Variants in LRRC7 observed in about 807,000 individuals in gnomAD.
The protein encoded by LRRC7 is leucine-rich repeat-containing protein 7.
A neutral mutation model predicts 175.7 loss-of-function variants in LRRC7; 23 were observed. That is an observed-to-expected ratio of 0.13 (90% CI 0.09 to 0.19). LRRC7 has a LOEUF of 0.19. LRRC7 is among the 10% of genes least tolerant of loss of function. The pLI, the probability that LRRC7 is intolerant of heterozygous loss-of-function variation, is 1.00. For missense variants in LRRC7, 1,354 were observed against 1,904.7 expected (o/e 0.71, Z 5.38); for synonymous variants, 685 against 680.9 (o/e 1.01, Z -0.09).
chr1:70,064,049 A>G (rs1661783101), intron 23 of LRRC7, among the ~76,000 whole-genome samples: 2 of 152,024 alleles, frequency 1.3e-5, no homozygotes, highest in Non-Finnish European at 2.9e-5. Context: ...TCTGACTCCA[A>G]AAAATTCAAG....
intron 7 of LRRC7, among the ~76,000 whole-genome samples, chr1:69,899,781 G>A (rs907981073): frequency 2.6e-4 from 40 of 152,150 alleles, no homozygotes; most frequent in African/African-American, 9.7e-4. Flanking sequence ...TGTTTTAAAA[G>A]CGGCTTCGTG....
Position 69,718,129 on chromosome 1 carries a change from A to G in LRRC7, c.100+39651A>G, listed in dbSNP as rs1194335041. Among the ~76,000 whole-genome samples the G allele has an allele frequency of 3.8e-3, 166 of 43,178 alleles. 3 individuals carry two copies. The highest frequency in any genetic ancestry group is 8.4e-3 in the African/African-American group (52 of 6,186). The allele number at this position is 43,178 out of a possible 152,430, so 28.3% of individuals were successfully genotyped here. A position where few individuals can be genotyped will look rare whatever the true frequency, so the allele number is the denominator to read the frequency against. On this transcript the variant is annotated intron_variant, in intron 2 of 26. Coordinates refer to ENST00000651989, the MANE Select transcript of LRRC7 (RefSeq NM_001370785.2). ...AGAGAAAAAGAAAGAAAGAAAGAAA[A>G]GAAAGAAAGAGAGAGAAAGAAAGAA...
chr1:70,091,480 C>A (rs1664027753), intron 25 of LRRC7, among the ~76,000 whole-genome samples: 1 of 151,974 alleles, frequency 6.6e-6, no homozygotes, highest in Admixed American at 6.6e-5. Flanking sequence ...TCTTTCTCAC[C>A]AGCATATAAA....
At chr1:69,689,514 A>G (rs1448777124) in intron 2 of LRRC7, among the ~76,000 whole-genome samples, 2 of 152,200 alleles carry the variant, frequency 1.3e-5, no homozygotes, top group Non-Finnish European at 2.9e-5. Context: ...TTCACAAATT[A>G]TAAGTTAATA....
intron 1 of LRRC7, among the ~76,000 whole-genome samples, chr1:69,616,691 C>A (rs1254343449): frequency 6.6e-6 from 1 of 151,970 alleles, no homozygotes; most frequent in Non-Finnish European, 1.5e-5. Flanking sequence ...GAGTGACCAG[C>A]TTAGTTTAGG....
chr1:70,066,059 T>C (rs17131173), intron 23 of LRRC7, among the ~76,000 whole-genome samples: 3,897 of 152,090 alleles, frequency 0.026, 196 homozygotes, highest in African/African-American at 0.09. Context: ...AGCAAGTTGT[T>C]ACTGATTGAT....
intron 7 of LRRC7, among the ~76,000 whole-genome samples, chr1:69,864,985 T>G (rs1054038238): frequency 1.3e-5 from 2 of 152,174 alleles, no homozygotes; most frequent in African/African-American, 4.8e-5. Flanking sequence ...GAAAAAAATC[T>G]CAGCATCTGT....
intron 22 of LRRC7, among the ~76,000 whole-genome samples, chr1:70,051,096 T>G (rs1265745818): frequency 6.6e-6 from 1 of 152,040 alleles, no homozygotes; most frequent in African/African-American, 2.4e-5. Context: ...ACCATTATAT[T>G]AGGATTTTGA....
intron 2 of LRRC7, among the ~76,000 whole-genome samples, chr1:69,735,103 C>G (rs1244380921): frequency 6.6e-6 from 1 of 151,954 alleles, no homozygotes; most frequent in African/African-American, 2.4e-5. Context: ...TATTGCCTCT[C>G]CTAAATTAAG....
In LRRC7 at chr1:69,568,545, A is replaced by G. The variant is rs1476373455; in HGVS notation, c.-95A>G. The G allele has an allele frequency of 8.2e-7, 1 of 1,221,600 alleles. No individual in the cohort carries two copies. Among genetic ancestry groups the G allele is most frequent in the Non-Finnish European group, 1.1e-6 (1 of 916,512 alleles). The allele number at this position is 1,221,600 out of a possible 1,614,324, so 75.7% of individuals were successfully genotyped here. ...TTCTCCTCCGAAGACCCTGGCGCCC[A>G]CTCCACTGCGGACCCCTGAACACTT... is the stretch of plus-strand genomic sequence containing the variant. On this transcript the variant is annotated 5_prime_UTR_variant, in exon 1 of 27. Coordinates refer to ENST00000651989, the MANE Select transcript of LRRC7 (RefSeq NM_001370785.2).
In LRRC7 at chr1:69,676,966, T is replaced by G. The variant is rs59696098; in HGVS notation, c.3-1415T>G. Among the ~76,000 whole-genome samples, 230 of 152,010 alleles carry G rather than the reference T, an allele frequency of 1.5e-3. 3 individuals carry two copies. The East Asian group carries it at 0.034, about 23-fold the overall frequency. On this transcript the variant is annotated intron_variant, in intron 1 of 26. Transcript: ENST00000651989. ...TCCCTTCTGAGTCTCCAGTGTCCAT[T>G]TTACCACTCTGTGTGCTTTTGCATA...
At chr1:70,099,250 G>A (rs1432246807) in intron 25 of LRRC7, among the ~76,000 whole-genome samples, 1 of 136,322 alleles carries the variant, frequency 7.3e-6, no homozygotes, top group East Asian at 2.1e-4. Flanking sequence ...ATGCAGAAAA[G>A]GCCTTTGACA....
chr1:69,968,452 C>G (rs773966657), intron 8 of LRRC7, among the ~76,000 whole-genome samples: 1 of 152,182 alleles, frequency 6.6e-6, no homozygotes, highest in Non-Finnish European at 1.5e-5. Flanking sequence ...GCTCAAAGAA[C>G]ATCTGGGAAA....
Position 70,011,869 on chromosome 1 carries a change from T to G in LRRC7, c.1077T>G (p.Leu359=). Residue 359 remains leucine, a synonymous_variant, in exon 12 of 27, where the codon CTT becomes CTG. Coordinates refer to ENST00000651989, the MANE Select transcript of LRRC7 (RefSeq NM_001370785.2). ...CACTACCTTCTACTATTGGCTACCT[T>G]CATAGTCTTCGGACATTAGCAGTTG... is the stretch of plus-strand genomic sequence containing the variant. ...LESLPSTIGY[L]HSLRTLAVDE... is the part of the protein sequence containing the mutation. The G allele has an allele frequency of 6.3e-7, 1 of 1,599,204 alleles. No individual in the cohort carries two copies.
intron 7 of LRRC7, among the ~76,000 whole-genome samples, chr1:69,892,555 G>A (rs6694951): frequency 0.14 from 21,707 of 152,058 alleles, 2,285 homozygotes; most frequent in African/African-American, 0.3. Flanking sequence ...TATGAATTAC[G>A]ACTCAAACTG....
At chr1:69,662,741 A>G (rs1337021523) in intron 1 of LRRC7, among the ~76,000 whole-genome samples, 4 of 152,224 alleles carry the variant, frequency 2.6e-5, no homozygotes, top group African/African-American at 9.6e-5. Flanking sequence ...TTTGCAGTTC[A>G]AATTGGATCT....
At chr1:69,595,541 G>A (rs1240552804) in intron 1 of LRRC7, among the ~76,000 whole-genome samples, 2 of 152,206 alleles carry the variant, frequency 1.3e-5, no homozygotes, top group Non-Finnish European at 2.9e-5. Flanking sequence ...TGAAACAACA[G>A]CATCCTAGTA....
At chr1:69,725,540 G>C (rs1021475909) in intron 2 of LRRC7, among the ~76,000 whole-genome samples, 1 of 152,178 alleles carries the variant, frequency 6.6e-6, no homozygotes, top group African/African-American at 2.4e-5. Context: ...GGCAGAAATT[G>C]AAAATCTAAA....
At chr1:70,002,002 G>A (rs1170711634) in intron 11 of LRRC7, among the ~76,000 whole-genome samples, 6 of 152,190 alleles carry the variant, frequency 3.9e-5, no homozygotes, top group Middle Eastern at 3.4e-3. Flanking sequence ...TATGTGATGC[G>A]TCTTTATATA....
Sources: allele counts gnomAD v4.1 joint callset (sites outside exome capture counted in the v4.1 genomes callset), GRCh38; gene constraint gnomAD v4.1.1; transcripts MANE v1.5; gene names NCBI Gene and HGNC (gene_info 2026-07-23, HGNC 2026-07-21).